The following DNAI1 variants were observed in gnomAD, a reference collection of about 807,000 sequenced individuals.
The protein encoded by DNAI1 is dynein, axonemal, intermediate polypeptide 1.
Under a neutral mutation model 92.0 loss-of-function variants are expected in DNAI1, and 67 were observed. The ratio of observed to expected loss-of-function variants is 0.73; its 90% CI spans 0.60 to 0.89. The LOEUF is 0.89. Ranked by LOEUF, DNAI1 falls within the 40% of genes least tolerant of loss-of-function variation. The pLI, the probability that DNAI1 is intolerant of heterozygous loss-of-function variation, is 0.00. For synonymous variants in DNAI1, 323 were observed against 319.6 expected, an observed-to-expected ratio of 1.01 and a Z score of -0.11; for missense variants, 839 against 866.6, an observed-to-expected ratio of 0.97 and a Z score of 0.40.
At chr9:34,489,106 T>G (rs1824529253) in intron 4 of DNAI1, 1 of 537,722 alleles carries the variant, frequency 1.9e-6, no homozygotes. Context: ...AAATCCTTGA[T>G]GATAACTTTA....
chr9:34,468,983 G>C (rs998867499), intron 1 of DNAI1, among the ~76,000 whole-genome samples: 2 of 152,058 alleles, frequency 1.3e-5, no homozygotes, highest in Non-Finnish European at 2.9e-5. Context: ...GAGGGAAAAA[G>C]AGGAAGAAAA....
chr9:34,482,949 T>C lies in DNAI1; in HGVS notation c.49-499T>C, dbSNP rs557769855. Among the ~76,000 whole-genome samples, 581 of 152,296 alleles carry C rather than the reference T, an allele frequency of 3.8e-3. 9 individuals carry two copies. The highest frequency in any genetic ancestry group is 0.034 in the Admixed American group (515 of 15,302). ...AGGCCCGGCGAGAAATCGAGCGCAGTGCTGGTGGGCCAGCACTGCTGGGGG... is the reference window on the plus strand; with the variant it reads ...AGGCCCGGCGAGAAATCGAGCGCAGCGCTGGTGGGCCAGCACTGCTGGGGG... On this transcript the variant is annotated intron_variant, in intron 1 of 19. Transcript: ENST00000242317.
intron 15 of DNAI1, among the ~76,000 whole-genome samples, 177 bp downstream of exon 15, chr9:34,512,601 C>T (rs1825088748): frequency 6.6e-6 from 1 of 152,104 alleles, no homozygotes; most frequent in Non-Finnish European, 1.5e-5. Context: ...GTTTGTAGAC[C>T]CTCCCTGTTT....
intron 1 of DNAI1, among the ~76,000 whole-genome samples, chr9:34,472,185 G>A (rs1824149452): frequency 6.6e-6 from 1 of 152,144 alleles, no homozygotes; most frequent in South Asian, 2.1e-4. Context: ...CTTTATGCTG[G>A]GCTCTGTGTT....
chr9:34,463,704 T>A (rs1267479926), intron 1 of DNAI1, among the ~76,000 whole-genome samples: 2 of 152,228 alleles, frequency 1.3e-5, no homozygotes, highest in African/African-American at 4.8e-5. Context: ...GAATTTTACA[T>A]CATTCTCCTG....
Position 34,493,347 on chromosome 9 carries a change from C to T in DNAI1, c.816+19C>T. 1 of 1,613,988 alleles carries T rather than the reference C, an allele frequency of 6.2e-7. No individual in the cohort carries two copies. Among genetic ancestry groups the T allele is most frequent in the Non-Finnish European group, 8.5e-7 (1 of 1,179,868 alleles). ...GTCTCAGGTTTGGTGTTAGTTCCTA[C>T]AGCTCTGCCACAGAATTTCTGAATG... On this transcript the variant is annotated intron_variant, in intron 9 of 19. Coordinates refer to ENST00000242317, the MANE Select transcript of DNAI1 (RefSeq NM_012144.4).
chr9:34,481,982 A>T (rs1824369231), intron 1 of DNAI1, among the ~76,000 whole-genome samples: 1 of 152,202 alleles, frequency 6.6e-6, no homozygotes, highest in Admixed American at 6.5e-5. Flanking sequence ...GCTGATTGGT[A>T]GAGCCGAGTG....
intron 7 of DNAI1, 64 bp downstream of exon 7, chr9:34,490,552 G>T: frequency 6.2e-7 from 1 of 1,610,640 alleles, no homozygotes; most frequent in Non-Finnish European, 8.5e-7. Flanking sequence ...GAAGAAGCAG[G>T]CCTGACCCTG....
chr9:34,491,591 C>T (rs973381729), intron 8 of DNAI1, 37 bp downstream of exon 8: 5 of 1,609,808 alleles, frequency 3.1e-6, no homozygotes, highest in South Asian at 2.2e-5. Context: ...TCTTACCACC[C>T]ACCTCTATGT....
chr9:34,499,415 A>T (rs1263820697), intron 10 of DNAI1, among the ~76,000 whole-genome samples: 1 of 152,244 alleles, frequency 6.6e-6, no homozygotes, highest in East Asian at 1.9e-4. Flanking sequence ...ACTTCTGTTA[A>T]TGAATTTCAC....
At chr9:34,479,712 G>A (rs1300848521) in intron 1 of DNAI1, among the ~76,000 whole-genome samples, 1 of 152,078 alleles carries the variant, frequency 6.6e-6, no homozygotes, top group Non-Finnish European at 1.5e-5. Flanking sequence ...TGGATCAGAG[G>A]CTCTCCAAAG....
intron 18 of DNAI1, among the ~76,000 whole-genome samples, chr9:34,515,488 A>G (rs1825156092): frequency 6.6e-6 from 1 of 152,200 alleles, no homozygotes; most frequent in African/African-American, 2.4e-5. Context: ...CAAAATTCCC[A>G]GTGTTCTAGG....
chr9:34,501,209 G>A, intron 12 of DNAI1, 28 bp downstream of exon 12: 1 of 1,588,714 alleles, frequency 6.3e-7, no homozygotes, highest in Non-Finnish European at 8.6e-7. Context: ...TCATTTATTT[G>A]CTCATGTAAA....
intron 1 of DNAI1, among the ~76,000 whole-genome samples, chr9:34,469,831 C>T (rs113776153): frequency 0.016 from 2,487 of 152,250 alleles, 63 homozygotes; most frequent in African/African-American, 0.055. Flanking sequence ...CCTACTGTCT[C>T]GGCCTCCCAG....
intron 13 of DNAI1, among the ~76,000 whole-genome samples, chr9:34,510,761 C>G (rs1587088431): frequency 6.6e-6 from 1 of 152,170 alleles, no homozygotes; most frequent in Non-Finnish European, 1.5e-5. Flanking sequence ...CTCTTACAGC[C>G]TGGCCTTTGA....
chr9:34,514,704 T>C lies in DNAI1; in HGVS notation c.1783T>C (p.Ser595Pro). ...VGDVAWAPYS[S>P]TVFAAVTTDG... ...TGATGTGGCCTGGGCGCCATACTCT[T>C]CTACTGTGTTCGCAGCAGTCACCAC... The change falls in exon 18 of 20, where the codon TCT (serine) becomes CCT (proline). Residue 595 changes from serine (S) to proline (P), a missense_variant. Transcript: ENST00000242317. 1 of 1,614,094 alleles carries C rather than the reference T, an allele frequency of 6.2e-7. No individual in the cohort carries two copies. The highest frequency in any genetic ancestry group is 8.5e-7 in the Non-Finnish European group (1 of 1,180,028).
chr9:34,460,042 C>T (rs1487777518), intron 1 of DNAI1, among the ~76,000 whole-genome samples: 8 of 152,202 alleles, frequency 5.3e-5, no homozygotes, highest in Non-Finnish European at 1.0e-4. Flanking sequence ...CTCTCTCTTC[C>T]CTGCGAGCCC....
intron 18 of DNAI1, among the ~76,000 whole-genome samples, chr9:34,515,991 GA>G (rs1216081527): frequency 1.3e-5 from 2 of 151,766 alleles, no homozygotes; most frequent in African/African-American, 4.8e-5. Context: ...CAATGAAAAA[GA>G]AAAAAAGAAA....
intron 16 of DNAI1, 26 bp downstream of exon 16, chr9:34,513,217 T>C (rs1825107192): frequency 6.3e-7 from 1 of 1,592,376 alleles, no homozygotes; most frequent in African/African-American, 1.3e-5. Context: ...GCCAGCTCCT[T>C]AGAAGGCCGC....
Sources: allele counts gnomAD v4.1 joint callset (sites outside exome capture counted in the v4.1 genomes callset), GRCh38; gene constraint gnomAD v4.1.1; transcripts MANE v1.5; gene names NCBI Gene and HGNC (gene_info 2026-07-23, HGNC 2026-07-21).